CCDC3: variants seen among roughly 807,000 people sequenced by gnomAD.
The protein encoded by CCDC3 is coiled-coil domain containing 3.
CCDC3 carries 24 observed loss-of-function variants against 21.4 expected under a neutral mutation model. That is an observed-to-expected ratio of 1.12 (90% CI 0.81 to 1.58). The LOEUF is 1.58. Ranked by LOEUF, CCDC3 falls within the 40% of genes most tolerant of loss-of-function variation. The pLI is 0.00. For missense variants in CCDC3, 425 were observed against 360.9 expected, an observed-to-expected ratio of 1.18 and a Z score of -1.44; for synonymous variants, 186 against 166.0, an observed-to-expected ratio of 1.12 and a Z score of -0.93.
At chr10:13,065,232 T>G (rs1284584548) in intron 4 of CCDC3, among the ~76,000 whole-genome samples, 2 of 152,206 alleles carry the variant, frequency 1.3e-5, no homozygotes, top group Non-Finnish European at 2.9e-5. Flanking sequence ...CTTCCTAGAG[T>G]GCTAATTGTT....
rs1439849487 is a variant in CCDC3 at position 13,072,007 on chromosome 10, C to T, written c.-270+1861G>A. Among the ~76,000 whole-genome samples, 2 of 152,104 alleles carry T rather than the reference C, an allele frequency of 1.3e-5. 1 individual carries two copies. Among genetic ancestry groups the T allele is most frequent in the East Asian group, 3.9e-4 (2 of 5,194 alleles). ...TAGTACTGGGCTCAGGAGAAGGGAA[C>T]CCAGAAGTCCAAATGCTGGCAAAAG... On this transcript the variant is annotated intron_variant, in intron 4 of 6. Transcript: ENST00000378839.
intron 5 of CCDC3, among the ~76,000 whole-genome samples, chr10:13,023,683 C>T (rs920268071): frequency 2.0e-5 from 3 of 152,110 alleles, no homozygotes; most frequent in Non-Finnish European, 4.4e-5. Context: ...TCTCTGGTCT[C>T]TAATGGGCCA....
chr10:12,991,623 C>T (rs1835684240), intron 2 of CCDC3, among the ~76,000 whole-genome samples: 1 of 152,134 alleles, frequency 6.6e-6, no homozygotes, highest in Non-Finnish European at 1.5e-5. Flanking sequence ...CTTGAACCAC[C>T]AATCCTGGCT....
In CCDC3 at chr10:12,966,049, C is replaced by T. The variant is rs545174540; in HGVS notation, c.549+32289G>A. Among the ~76,000 whole-genome samples, 14 of 152,252 alleles carry T rather than the reference C, an allele frequency of 9.2e-5. No individual in the cohort carries two copies. The East Asian group carries it at 1.4e-3, about 15-fold the overall frequency. ...TTAGGTCCCCTTTGCAAGCCTTTCA[C>T]GAGATGTTCCCAAGGCTGGGCCTCA... On this transcript the variant is annotated intron_variant, in intron 2 of 2. Transcript: ENST00000378825.
At chr10:12,964,667 T>TAATG (rs1382697241) in intron 2 of CCDC3, among the ~76,000 whole-genome samples, 1 of 152,178 alleles carries the variant, frequency 6.6e-6, no homozygotes, top group Non-Finnish European at 1.5e-5. Flanking sequence ...CTGTTTGAAA[T>TAATG]TCATTGAGTC....
Position 12,910,705 on chromosome 10 carries a change from G to A in CCDC3, c.550-12026C>T, listed in dbSNP as rs371685822. Among the ~76,000 whole-genome samples, 4 of 150,744 alleles carry A rather than the reference G, an allele frequency of 2.7e-5. No individual in the cohort carries two copies. In the South Asian group the frequency reaches 6.3e-4, roughly 24 times the overall value. On this transcript the variant is annotated intron_variant, in intron 2 of 2. Coordinates refer to ENST00000378825, the MANE Select transcript of CCDC3 (RefSeq NM_031455.4). Reference sequence around the variant, plus strand: ...GCTCACTGCAACCTCCACCTACCGAGTTCAAGCGATTCTCCTGCCTCAGCC... The same window carrying A: ...GCTCACTGCAACCTCCACCTACCGAATTCAAGCGATTCTCCTGCCTCAGCC...
chr10:12,981,998 C>G (rs966227698), intron 2 of CCDC3, among the ~76,000 whole-genome samples: 8 of 151,628 alleles, frequency 5.3e-5, no homozygotes, highest in Admixed American at 4.6e-4. Context: ...TGGCATGTGT[C>G]TGTAGTCCCA....
intron 4 of CCDC3, among the ~76,000 whole-genome samples, chr10:13,070,732 A>G (rs567971132): frequency 4.6e-5 from 7 of 152,354 alleles, no homozygotes; most frequent in African/African-American, 1.7e-4. Flanking sequence ...TAAAAGGCCT[A>G]TGTGGAAATA....
chr10:13,098,039 A>G lies in CCDC3; in HGVS notation c.-503+486T>C, dbSNP rs572014076. On this transcript the variant is annotated intron_variant, in intron 3 of 6. Coordinates refer to the CCDC3 transcript ENST00000378839. Reference sequence around the variant, plus strand: ...CAGATAAAGGGAATGAGGAAGGGTAAGATGAAGTAACTTGGTCAAGGTCCT... The same window carrying G: ...CAGATAAAGGGAATGAGGAAGGGTAGGATGAAGTAACTTGGTCAAGGTCCT... 2.6e-5 allele frequency among the ~76,000 whole-genome samples: 4 copies of G among 152,342 alleles called. 1 individual carries two copies. In the South Asian group the frequency reaches 8.3e-4, roughly 32 times the overall value.
At chr10:13,050,790 TG>T (rs1401146146) in intron 4 of CCDC3, among the ~76,000 whole-genome samples, 1 of 152,016 alleles carries the variant, frequency 6.6e-6, no homozygotes, top group African/African-American at 2.4e-5. Context: ...CGTTTTAGTT[TG>T]TTTTTTATTT....
chr10:12,984,983 C>T (rs918083418), intron 2 of CCDC3, among the ~76,000 whole-genome samples: 6 of 152,094 alleles, frequency 3.9e-5, no homozygotes, highest in East Asian at 1.9e-4. Context: ...AAAGTGGTGA[C>T]GGTTACACAT....
At chr10:13,017,285 G>C (rs1034201210) in intron 5 of CCDC3, among the ~76,000 whole-genome samples, 2 of 151,920 alleles carry the variant, frequency 1.3e-5, no homozygotes, top group South Asian at 2.1e-4. Context: ...GGGAGGCCGA[G>C]GTGGGCGGAT....
intron 2 of CCDC3, among the ~76,000 whole-genome samples, chr10:12,986,630 T>A (rs182191576): frequency 6.6e-6 from 1 of 151,950 alleles, no homozygotes; most frequent in African/African-American, 2.4e-5. Context: ...AAAAATTAGC[T>A]GGGCGTGGTG....
intron 2 of CCDC3, among the ~76,000 whole-genome samples, chr10:12,956,800 G>A (rs1835096351): frequency 6.6e-6 from 1 of 151,988 alleles, no homozygotes; most frequent in South Asian, 2.1e-4. Flanking sequence ...ACACACAAGA[G>A]ACCTGAACAC....
chr10:12,967,275 T>C (rs955786939), intron 2 of CCDC3, among the ~76,000 whole-genome samples: 1 of 152,158 alleles, frequency 6.6e-6, no homozygotes, highest in Non-Finnish European at 1.5e-5. Flanking sequence ...CATAAGGTAA[T>C]GAGGAAACAA....
intron 2 of CCDC3, among the ~76,000 whole-genome samples, chr10:12,974,606 G>A (rs1835388820): frequency 1.3e-5 from 2 of 152,332 alleles, no homozygotes. Flanking sequence ...GAGGTGTGGA[G>A]CACAGGACTG....
chr10:12,931,385 T>C (rs1371849397), intron 2 of CCDC3, among the ~76,000 whole-genome samples: 1 of 152,182 alleles, frequency 6.6e-6, no homozygotes, highest in East Asian at 1.9e-4. Flanking sequence ...TGGGGTTACT[T>C]CCTCTACAAC....
intron 2 of CCDC3, among the ~76,000 whole-genome samples, chr10:12,935,574 A>G (rs1834723305): frequency 6.6e-6 from 1 of 150,504 alleles, no homozygotes; most frequent in East Asian, 2.0e-4. Flanking sequence ...ATATTATTTC[A>G]TTTTCTCTTT....
chr10:13,003,695 T>C (rs1835893030), upstream of CCDC3, among the ~76,000 whole-genome samples: 1 of 152,212 alleles, frequency 6.6e-6, no homozygotes, highest in Non-Finnish European at 1.5e-5. Flanking sequence ...TTCAAGTGTC[T>C]TGAAGGCCTG....
Sources: allele counts gnomAD v4.1 joint callset (sites outside exome capture counted in the v4.1 genomes callset), GRCh38; gene constraint gnomAD v4.1.1; transcripts MANE v1.5; gene names NCBI Gene and HGNC (gene_info 2026-07-23, HGNC 2026-07-21).